Variants in ESRRG observed in about 807,000 individuals in gnomAD.
ESRRG encodes the protein estrogen related receptor gamma.
In ESRRG, 13 loss-of-function variants were observed where a neutral mutation model predicts 44.0. That is an observed-to-expected ratio of 0.30 (90% CI 0.19 to 0.47). ESRRG has a LOEUF of 0.47. Ranked by LOEUF, ESRRG falls within the 20% of genes least tolerant of loss-of-function variation. ESRRG has a pLI of 1.00. For synonymous variants in ESRRG, 215 were observed against 214.6 expected (o/e 1.00, Z -0.02); for missense variants, 395 against 580.6 (o/e 0.68, Z 3.29).
intron 2 of ESRRG, among the ~76,000 whole-genome samples, chr1:216,910,690 C>T (rs1193502900): frequency 6.6e-6 from 1 of 152,130 alleles, no homozygotes; most frequent in Non-Finnish European, 1.5e-5. Context: ...TTCTTTGTTA[C>T]GATGAGGGGC....
chr1:216,725,839 C>G (rs1182950409), upstream of ESRRG, among the ~76,000 whole-genome samples: 2 of 152,128 alleles, frequency 1.3e-5, no homozygotes, highest in Admixed American at 1.3e-4. Flanking sequence ...GAATCCTGTA[C>G]TGTGTTCAGT....
intron 2 of ESRRG, among the ~76,000 whole-genome samples, chr1:216,822,203 A>T (rs2095312476): frequency 6.6e-6 from 1 of 152,204 alleles, no homozygotes. Flanking sequence ...CCCAGCCTAC[A>T]TGTAAATATG....
chr1:216,668,684 TTC>T (rs1559122322), intron 2 of ESRRG, among the ~76,000 whole-genome samples: 1 of 152,160 alleles, frequency 6.6e-6, no homozygotes, highest in Non-Finnish European at 1.5e-5. Context: ...TTTACATTGA[TTC>T]TGTTTTCTAA....
chr1:217,006,549 C>G (rs1427347814), intron 1 of ESRRG, among the ~76,000 whole-genome samples: 1 of 151,950 alleles, frequency 6.6e-6, no homozygotes, highest in Non-Finnish European at 1.5e-5. Context: ...TTCCAAAATG[C>G]CTGGGACCAG....
At chr1:216,714,032 C>T (rs1032638812) in intron 1 of ESRRG, among the ~76,000 whole-genome samples, 1 of 152,122 alleles carries the variant, frequency 6.6e-6, no homozygotes, top group African/African-American at 2.4e-5. Flanking sequence ...CACAATCAAA[C>T]ATAAGTTGTA....
chr1:216,637,947 A>T (rs1307071049), intron 3 of ESRRG, among the ~76,000 whole-genome samples: 1 of 152,162 alleles, frequency 6.6e-6, no homozygotes, highest in African/African-American at 2.4e-5. Context: ...TATTTATGAA[A>T]AATTATTCCT....
In ESRRG at chr1:216,504,500, C is replaced by T. The variant is rs2148677219; in HGVS notation, c.*2439G>A. On this transcript the variant is annotated 3_prime_UTR_variant, in exon 7 of 7. Transcript: ENST00000408911. ...GAAACCACAATCTACAATATAGTCC[C>T]ATATAGCTAATGATAGATACACAGT... The T allele has an allele frequency of 6.6e-6, 1 of 152,616 alleles. No homozygotes were observed. Among genetic ancestry groups the T allele is most frequent in the South Asian group, 2.1e-4 (1 of 4,824 alleles). 9.5% of individuals were successfully genotyped at this position (152,616 alleles called of 1,614,324 possible).
At chr1:216,817,950 AG>A (rs1385944743) in intron 2 of ESRRG, among the ~76,000 whole-genome samples, 1 of 151,976 alleles carries the variant, frequency 6.6e-6, no homozygotes. Flanking sequence ...AATGCATATG[AG>A]GTCTGACTGT....
chr1:216,935,565 G>A (rs947063507), intron 2 of ESRRG, among the ~76,000 whole-genome samples: 3 of 151,860 alleles, frequency 2.0e-5, no homozygotes, highest in Admixed American at 1.3e-4. Context: ...AGCTCCCCAT[G>A]TTCAGCAATC....
intron 5 of ESRRG, among the ~76,000 whole-genome samples, chr1:216,539,413 C>T (rs7544765): frequency 0.58 from 87,479 of 151,628 alleles, 26,873 homozygotes; most frequent in African/African-American, 0.8. Context: ...TTATGTGAGA[C>T]AACACACTTG....
chr1:216,725,923 T>C (rs2087429899), upstream of ESRRG, among the ~76,000 whole-genome samples: 1 of 152,172 alleles, frequency 6.6e-6, no homozygotes, highest in Non-Finnish European at 1.5e-5. Context: ...AGATTTGTAG[T>C]GTATTTACCG....
chr1:216,932,309 A>C (rs181300953), intron 2 of ESRRG, among the ~76,000 whole-genome samples: 1 of 152,314 alleles, frequency 6.6e-6, no homozygotes, highest in African/African-American at 2.4e-5. Flanking sequence ...ACAAAGAAGG[A>C]AAATGACAAG....
rs541666562 is a variant in ESRRG, at chr1:217,039,359, G to A, written c.-106+50148C>T. ...TCATGCTGCTGATAAATATGTACCC[G>A]AGACTGGGCAATTTACAAAACAAAG... On this transcript the variant is annotated intron_variant, in intron 1 of 7. Transcript: ENST00000359162. Among the ~76,000 whole-genome samples the A allele has an allele frequency of 6.6e-5, 10 of 152,250 alleles. No individual in the cohort carries two copies. In the South Asian group the frequency reaches 1.2e-3, roughly 19 times the overall value.
intron 1 of ESRRG, among the ~76,000 whole-genome samples, chr1:216,943,547 G>C (rs2065592744): frequency 6.6e-6 from 1 of 152,154 alleles, no homozygotes; most frequent in Non-Finnish European, 1.5e-5. Context: ...GCTGTCCTTG[G>C]GGAAAAACAC....
At chr1:217,084,144 A>AC (rs2091936761) in intron 1 of ESRRG, among the ~76,000 whole-genome samples, 1 of 152,082 alleles carries the variant, frequency 6.6e-6, no homozygotes, top group South Asian at 2.1e-4. Context: ...AAAAAAAAAA[A>AC]AAACGAGAAA....
intron 1 of ESRRG, among the ~76,000 whole-genome samples, chr1:216,985,269 A>G (rs2074673469): frequency 6.6e-6 from 1 of 152,218 alleles, no homozygotes; most frequent in South Asian, 2.1e-4. Context: ...CACAGGAAAG[A>G]ACCTCTGGTA....
intron 2 of ESRRG, among the ~76,000 whole-genome samples, chr1:216,924,290 G>A (rs1174126686): frequency 2.0e-5 from 3 of 152,064 alleles, no homozygotes; most frequent in Non-Finnish European, 2.9e-5. Context: ...GATACTTCAC[G>A]CAAGTCTCTA....
At position 216,928,378 on chromosome 1, in the gene ESRRG, G is replaced by A. The variant is rs893107340; in HGVS notation, c.-14+11204C>T. Among the ~76,000 whole-genome samples the A allele has an allele frequency of 6.6e-5, 10 of 152,018 alleles. 1 individual carries two copies. Among genetic ancestry groups the A allele is most frequent in the Admixed American group, 2.0e-4 (3 of 15,264 alleles). On this transcript the variant is annotated intron_variant, in intron 2 of 7. Coordinates refer to the ESRRG transcript ENST00000359162. The stretch of plus-strand genomic sequence containing the variant: ...CCACTCCTCCATTTCAATAACAAGG[G>A]AAGGTTAAAAAGAGGAGCATCTCTC...
chr1:217,092,931 G>A (rs2092369863), upstream of ESRRG, among the ~76,000 whole-genome samples: 1 of 151,546 alleles, frequency 6.6e-6, no homozygotes, highest in African/African-American at 2.4e-5. Flanking sequence ...ATTTTAGACA[G>A]TCCCTAGAAA....
Sources: gnomAD v4.1 joint callset for allele counts (sites outside exome capture counted in the v4.1 genomes callset) on GRCh38, gnomAD v4.1.1 for gene constraint, MANE v1.5 for transcripts, NCBI Gene and HGNC (gene_info 2026-07-23, HGNC 2026-07-21) for gene names.